TBCD: variants seen among roughly 807,000 people sequenced by gnomAD.
TBCD encodes tubulin-specific chaperone D.
Under a neutral mutation model 169.3 loss-of-function variants are expected in TBCD, and 105 were observed. The observed-to-expected ratio is 0.62, with a 90% CI of 0.53 to 0.73. The LOEUF (loss-of-function observed/expected upper bound fraction) is 0.73. Among genes scored for constraint, TBCD ranks in the 30% least tolerant of loss-of-function variants. TBCD has a pLI of 0.00. For missense variants in TBCD, 1,444 were observed against 1,600.1 expected, an observed-to-expected ratio of 0.90 and a Z score of 1.66; for synonymous variants, 700 against 643.9, an observed-to-expected ratio of 1.09 and a Z score of -1.32.
chr17:82,771,936 CAAA>C (rs1409460904), intron 5 of TBCD, among the ~76,000 whole-genome samples: 1 of 148,196 alleles, frequency 6.7e-6, no homozygotes, highest in Middle Eastern at 3.2e-3. Context: ...AAAAAAAAAA[CAAA>C]AACAAAAACA....
At chr17:82,781,552 G>T in intron 6 of TBCD, 37 bp from the exon 7 acceptor site, 2 of 1,611,564 alleles carry the variant, frequency 1.2e-6, no homozygotes, top group Non-Finnish European at 1.7e-6. Flanking sequence ...CGAGGTCTCA[G>T]TGCTGAGGCC....
intron 15 of TBCD, among the ~76,000 whole-genome samples, chr17:82,888,660 C>T (rs1445578234): frequency 1.3e-5 from 2 of 152,206 alleles, no homozygotes; most frequent in Non-Finnish European, 2.9e-5. Context: ...TGTGATTGGC[C>T]AGAGGTGGTG....
chr17:82,911,200 T>C (rs1053925897), intron 22 of TBCD, among the ~76,000 whole-genome samples: 14 of 152,220 alleles, frequency 9.2e-5, no homozygotes, highest in African/African-American at 3.4e-4. Context: ...GTTTTCTACT[T>C]GCAGGAGGGG....
intron 34 of TBCD, among the ~76,000 whole-genome samples, chr17:82,935,051 C>T (rs2062504262): frequency 6.7e-6 from 1 of 149,378 alleles, no homozygotes; most frequent in Non-Finnish European, 1.5e-5. Flanking sequence ...GCAACACAGC[C>T]AGACTCTGTT....
Position 82,807,899 on chromosome 17 carries a change from C to T in TBCD, c.1148+231C>T, listed in dbSNP as rs535987152. Among the ~76,000 whole-genome samples the T allele has an allele frequency of 7.9e-5, 12 of 152,344 alleles. No individual in the cohort carries two copies. The East Asian group carries it at 9.6e-4, about 12-fold the overall frequency. On this transcript the variant is annotated intron_variant, in intron 11 of 38. Transcript: ENST00000355528. ...TGGCCCTGCCGGGTCACGAGCAGGC[C>T]GGGTTTACCTGTTTATCTTCAAAAT...
chr17:82,879,248 C>G (rs1029972606), intron 14 of TBCD, among the ~76,000 whole-genome samples: 3 of 152,026 alleles, frequency 2.0e-5, no homozygotes, highest in African/African-American at 7.2e-5. Flanking sequence ...TCAGCTGCCT[C>G]TAGGTCCCCT....
At chr17:82,805,741 T>C (rs551690236) in intron 9 of TBCD, 134 bp from the exon 10 acceptor site, 4 of 1,072,052 alleles carry the variant, frequency 3.7e-6, no homozygotes, top group Admixed American at 5.1e-5. Flanking sequence ...TCTCCCTTCT[T>C]ATCCGGTCTC....
chr17:82,804,128 G>C (rs980118572), intron 9 of TBCD, among the ~76,000 whole-genome samples: 117 of 150,722 alleles, frequency 7.8e-4, no homozygotes, highest in African/African-American at 2.6e-3. Flanking sequence ...GGGGAGAGTG[G>C]GGGCTGGGGT....
At chr17:82,856,839 G>C (rs373978193) in intron 13 of TBCD, among the ~76,000 whole-genome samples, 152 of 112,952 alleles carry the variant, frequency 1.3e-3, no homozygotes, top group African/African-American at 4.4e-3. Flanking sequence ...CGGACCCTCG[G>C]TGCGCATCCA....
intron 7 of TBCD, among the ~76,000 whole-genome samples, chr17:82,790,473 T>C (rs552487344): frequency 6.6e-6 from 1 of 152,280 alleles, no homozygotes; most frequent in African/African-American, 2.4e-5. Flanking sequence ...GGCCCACGCC[T>C]GGGGTTCCCC....
At chr17:82,775,487 C>T (rs1411226971) in intron 6 of TBCD, among the ~76,000 whole-genome samples, 1 of 152,090 alleles carries the variant, frequency 6.6e-6, no homozygotes, top group African/African-American at 2.4e-5. Flanking sequence ...CAGCATTTGT[C>T]TGCAGTACAG....
intron 37 of TBCD, among the ~76,000 whole-genome samples, chr17:82,940,221 G>GCGCGCACACACACACACACACACACA (rs1356825330): frequency 2.8e-4 from 37 of 131,808 alleles, no homozygotes; most frequent in Non-Finnish European, 5.6e-4. Flanking sequence ...TTGCACGCGC[G>GCGCGCACACACACACACACACACACA]CACACACACA....
At chr17:82,773,593 G>A (rs754848066) in intron 6 of TBCD, among the ~76,000 whole-genome samples, 4 of 152,090 alleles carry the variant, frequency 2.6e-5, no homozygotes, top group Non-Finnish European at 5.9e-5. Flanking sequence ...TCCCCGCGGG[G>A]CGGCACCAAC....
intron 2 of TBCD, among the ~76,000 whole-genome samples, chr17:82,761,991 T>G (rs2047785157): frequency 1.3e-5 from 2 of 151,118 alleles, no homozygotes; most frequent in South Asian, 4.2e-4. Flanking sequence ...CCTTCCAAAG[T>G]GCTGGGGTTG....
rs1262762690 is a variant in TBCD, at chr17:82,832,005, C to G, written c.1318+17071C>G. ...GCCGAGCTGCGCCTTCCAGAGCAGG[C>G]TGGGCACCGAGGGCGGCTTCCGGAG... is the stretch of plus-strand genomic sequence containing the variant. On this transcript the variant is annotated intron_variant, in intron 13 of 38. Coordinates refer to ENST00000355528, the MANE Select transcript of TBCD (RefSeq NM_005993.5). This position sits in a 1 kb window ranked among gnomAD's most constrained non-coding sequence, Gnocchi z 4.9. 1 of 1,612,726 alleles carries G rather than the reference C, an allele frequency of 6.2e-7. No homozygotes were observed. The highest frequency in any genetic ancestry group is 8.5e-7 in the Non-Finnish European group (1 of 1,178,900).
chr17:82,757,027 T>G (rs1162595271), intron 2 of TBCD, among the ~76,000 whole-genome samples: 1 of 152,210 alleles, frequency 6.6e-6, no homozygotes, highest in Non-Finnish European at 1.5e-5. Context: ...TATTTCACAC[T>G]GATTAAAATT....
rs957620553 is a variant in TBCD at position 82,915,505 on chromosome 17, G to T, written c.2038+3716G>T. 6.6e-6 allele frequency among the ~76,000 whole-genome samples: 1 copy of T among 152,192 alleles called. No homozygotes were observed. Among genetic ancestry groups the T allele is most frequent in the Non-Finnish European group, 1.5e-5 (1 of 68,040 alleles). ...CCTTGTCTCCGTCTTAGTCTCAGTG[G>T]CTCTTGCATTTCATGCTTTAGAATC... On this transcript the variant is annotated intron_variant, in intron 23 of 38. Coordinates refer to ENST00000355528, the MANE Select transcript of TBCD (RefSeq NM_005993.5). The surrounding 1 kb of genome is among the most constrained non-coding windows in gnomAD (Gnocchi z 4.3).
Position 82,942,410 on chromosome 17 carries a change from G to A in TBCD, c.3565-39G>A, listed in dbSNP as rs761587534. The A allele has an allele frequency of 8.1e-6, 13 of 1,613,806 alleles. No homozygotes were observed. The Admixed American group carries it at 1.8e-4, about 23-fold the overall frequency. ...CCCCTGGCTGGGAATGGTGTGTGTT[G>A]GAGCTGACCAGCCTGAGCTTGTCTT... On this transcript the variant is annotated intron_variant, in intron 38 of 38. Transcript: ENST00000355528.
intron 2 of TBCD, among the ~76,000 whole-genome samples, chr17:82,759,578 C>T (rs763022528): frequency 3.9e-5 from 6 of 152,182 alleles, no homozygotes; most frequent in African/African-American, 4.8e-5. Flanking sequence ...CTGCCTTGGC[C>T]TCCCACAGTG....
Sources: allele counts gnomAD v4.1 joint callset (sites outside exome capture counted in the v4.1 genomes callset), GRCh38; gene constraint gnomAD v4.1.1; non-coding constraint Gnocchi (gnomAD v3.1); transcripts MANE v1.5; gene names NCBI Gene and HGNC (gene_info 2026-07-23, HGNC 2026-07-21).